RPS6KC1: variants seen among roughly 807,000 people sequenced by gnomAD.
RPS6KC1 encodes the protein ribosomal protein S6 kinase C1, also known as inactive ribosomal protein S6 kinase delta-1.
Under a neutral mutation model 103.8 loss-of-function variants are expected in RPS6KC1, and 54 were observed. The observed-to-expected ratio is 0.52, with a 90% confidence interval of 0.42 to 0.65. The LOEUF is 0.65. Among genes scored for constraint, RPS6KC1 ranks in the 30% least tolerant of loss-of-function variants. The pLI, the probability that RPS6KC1 is intolerant of heterozygous loss-of-function variation, is 0.00. For synonymous variants in RPS6KC1, 439 were observed against 438.7 expected, an observed-to-expected ratio of 1.00 and a Z score of -0.01; for missense variants, 1,151 against 1,253.8, an observed-to-expected ratio of 0.92 and a Z score of 1.24.
the RPS6KC1 span, among the ~76,000 whole-genome samples, chr1:213,739,652 G>T: frequency 2.6e-5 from 4 of 151,912 alleles, no homozygotes; most frequent in African/African-American, 9.7e-5. Flanking sequence ...TTAGAAAAAA[G>T]CAGAAATAAC....
chr1:213,282,465 T>C, the RPS6KC1 span, among the ~76,000 whole-genome samples: 51 of 152,358 alleles, frequency 3.3e-4, no homozygotes, highest in African/African-American at 1.2e-3. Flanking sequence ...CAGAGGCGCC[T>C]GCTTGGCACA....
intron 6 of RPS6KC1, among the ~76,000 whole-genome samples, chr1:213,145,093 T>C (rs1195773861): frequency 6.6e-6 from 1 of 152,122 alleles, no homozygotes; most frequent in Non-Finnish European, 1.5e-5. Flanking sequence ...AGATTTATAC[T>C]GCTGACCAAG....
chr1:213,634,447 A>G, the RPS6KC1 span, among the ~76,000 whole-genome samples: 47 of 152,346 alleles, frequency 3.1e-4, no homozygotes, highest in East Asian at 7.3e-3. Context: ...ACACAACTAC[A>G]TGGAAACTGA....
intron 6 of RPS6KC1, among the ~76,000 whole-genome samples, chr1:213,151,876 G>A (rs562934581): frequency 7.5e-4 from 92 of 123,214 alleles, no homozygotes; most frequent in African/African-American, 2.8e-3. Context: ...GCCGGGCGGG[G>A]GGCTGATCCC....
At chr1:213,245,353 T>G (rs1450052297) in intron 12 of RPS6KC1, among the ~76,000 whole-genome samples, 1 of 152,190 alleles carries the variant, frequency 6.6e-6, no homozygotes, top group African/African-American at 2.4e-5. Context: ...AAGGTTGAAG[T>G]AATTTCCTTT....
the RPS6KC1 span, among the ~76,000 whole-genome samples, chr1:213,642,220 T>C: frequency 1.3e-5 from 2 of 152,104 alleles, no homozygotes; most frequent in Admixed American, 1.3e-4. Flanking sequence ...GATAGTACTT[T>C]CGTTTTTGGC....
chr1:213,809,596 A>G, the RPS6KC1 span, among the ~76,000 whole-genome samples: 1 of 152,244 alleles, frequency 6.6e-6, no homozygotes, highest in Non-Finnish European at 1.5e-5. Flanking sequence ...AAAGTTTACT[A>G]CATACGCCCT....
In RPS6KC1 at chr1:213,071,046, C is replaced by A; in HGVS notation, c.141+5C>A. On this transcript the variant is annotated splice_donor_5th_base_variant and intron_variant, in intron 2 of 14. Coordinates refer to ENST00000366960, the MANE Select transcript of RPS6KC1 (RefSeq NM_012424.6). ...AATCCAGAGGATGTCCAGGAGGTAA[C>A]ATTTATATGAAGATTTTATTTTATG... 6.6e-7 allele frequency: 1 copy of A among 1,514,488 alleles called. No individual in the cohort carries two copies. The highest frequency in any genetic ancestry group is 9.0e-7 in the Non-Finnish European group (1 of 1,111,832). The allele number at this position is 1,514,488 out of a possible 1,614,324, so 93.8% of individuals were successfully genotyped here. A position where few individuals can be genotyped will look rare whatever the true frequency, so the allele number is the denominator to read the frequency against.
At chr1:213,728,762 A>G in the RPS6KC1 span, among the ~76,000 whole-genome samples, 1 of 151,792 alleles carries the variant, frequency 6.6e-6, no homozygotes, top group Non-Finnish European at 1.5e-5. Flanking sequence ...CTGCCAATCA[A>G]ATCTAGATGT....
chr1:213,595,930 A>C, the RPS6KC1 span, among the ~76,000 whole-genome samples: 1 of 152,210 alleles, frequency 6.6e-6, no homozygotes, highest in African/African-American at 2.4e-5. Context: ...CCAGTTCCCA[A>C]GAATTTTGTT....
At chr1:213,085,691 C>G (rs1326102858) in intron 3 of RPS6KC1, among the ~76,000 whole-genome samples, 2 of 151,956 alleles carry the variant, frequency 1.3e-5, no homozygotes, top group Non-Finnish European at 2.9e-5. Context: ...ATCTACGTTT[C>G]TCTGTGTATC....
At chr1:213,230,852 A>T (rs1228827024) in intron 9 of RPS6KC1, among the ~76,000 whole-genome samples, 1 of 151,836 alleles carries the variant, frequency 6.6e-6, no homozygotes, top group East Asian at 1.9e-4. Context: ...AAAAAAAAAA[A>T]AAAAGAGTAA....
chr1:213,363,605 GCTTGCTTGCTTGCTTGCTTGCTTT>G, the RPS6KC1 span, among the ~76,000 whole-genome samples: 127 of 61,716 alleles, frequency 2.1e-3, 6 homozygotes, highest in African/African-American at 9.2e-3. Context: ...TTGCTCGCTC[GCTTGCTTGCTTGCTTGCTTGCTTT>G]CTTTCTTTCT....
chr1:213,209,142 T>A (rs1334529893), intron 8 of RPS6KC1, among the ~76,000 whole-genome samples: 1 of 152,140 alleles, frequency 6.6e-6, no homozygotes. Context: ...GATGTACCCC[T>A]CTACCTGGAG....
chr1:213,636,740 GC>G, the RPS6KC1 span, among the ~76,000 whole-genome samples: 21,395 of 152,088 alleles, frequency 0.14, 2,364 homozygotes, highest in African/African-American at 0.31. Flanking sequence ...AAAAGCAATG[GC>G]AACAAAAGCC....
chr1:213,787,802 A>T, the RPS6KC1 span, among the ~76,000 whole-genome samples: 1 of 152,196 alleles, frequency 6.6e-6, no homozygotes, highest in Non-Finnish European at 1.5e-5. Flanking sequence ...CCTATACAGG[A>T]TCTGATGTGG....
chr1:213,384,345 G>T, the RPS6KC1 span, among the ~76,000 whole-genome samples: 6 of 151,922 alleles, frequency 3.9e-5, no homozygotes, highest in Admixed American at 3.9e-4. Flanking sequence ...AATCATGAAG[G>T]TTTGACATTT....
chr1:213,785,558 T>C, the RPS6KC1 span, among the ~76,000 whole-genome samples: 2 of 151,716 alleles, frequency 1.3e-5, no homozygotes, highest in Admixed American at 6.6e-5. Flanking sequence ...TTTTAATGAG[T>C]GTTAGTGATG....
At chr1:213,492,331 C>T in the RPS6KC1 span, 1 of 152,224 alleles carries the variant, frequency 6.6e-6, no homozygotes, top group African/African-American at 2.4e-5. Context: ...ACCCAGGAGT[C>T]GCTGTGGTTA....
Sources: allele counts gnomAD v4.1 joint callset (sites outside exome capture counted in the v4.1 genomes callset), GRCh38; gene constraint gnomAD v4.1.1; transcripts MANE v1.5; gene names NCBI Gene and HGNC (gene_info 2026-07-23, HGNC 2026-07-21).